VAV3: variants seen among roughly 807,000 people sequenced by gnomAD.
The protein encoded by VAV3 is vav guanine nucleotide exchange factor 3.
Under a neutral mutation model 131.2 loss-of-function variants are expected in VAV3, and 94 were observed. The observed-to-expected ratio is 0.72, with a 90% CI of 0.61 to 0.85. VAV3 has a LOEUF of 0.85. Among genes scored for constraint, VAV3 ranks in the 40% least tolerant of loss-of-function variants. The pLI is 0.00. For missense variants in VAV3, 939 were observed against 1,002.7 expected (o/e 0.94, Z 0.86); for synonymous variants, 349 against 342.0 (o/e 1.02, Z -0.22).
chr1:107,744,754 G>A (rs533680751), intron 15 of VAV3, among the ~76,000 whole-genome samples: 5 of 152,158 alleles, frequency 3.3e-5, no homozygotes, highest in African/African-American at 9.6e-5. Flanking sequence ...TTCACAGTGA[G>A]AAAACAAAAA....
rs150611337 is a variant in VAV3 at position 107,762,252 on chromosome 1, C to T, written c.922-1373G>A. Among the ~76,000 whole-genome samples, 336 of 152,142 alleles carry T rather than the reference C, an allele frequency of 2.2e-3. 5 individuals are homozygous for T. The East Asian group carries it at 0.033, about 15-fold the overall frequency. On this transcript the variant is annotated intron_variant, in intron 9 of 26. Coordinates refer to ENST00000370056, the MANE Select transcript of VAV3 (RefSeq NM_006113.5). Reference sequence around the variant, plus strand: ...AGACGGAGTTGTGCTTAAGAAAATACACTGTTGCTCACAAGTTTGTTTCTT... The same window carrying T: ...AGACGGAGTTGTGCTTAAGAAAATATACTGTTGCTCACAAGTTTGTTTCTT...
intron 9 of VAV3, among the ~76,000 whole-genome samples, chr1:107,763,770 C>T (rs1038054522): frequency 6.6e-5 from 10 of 152,092 alleles, no homozygotes; most frequent in Non-Finnish European, 1.2e-4. Context: ...ACTGTCTAAG[C>T]AATAGTTTCC....
At chr1:107,648,802 T>C (rs1402434038) in intron 19 of VAV3, among the ~76,000 whole-genome samples, 1 of 152,046 alleles carries the variant, frequency 6.6e-6, no homozygotes, top group African/African-American at 2.4e-5. Flanking sequence ...CTTCCCTACT[T>C]CAGGTTGGTC....
chr1:107,804,887 T>C (rs922420923), intron 2 of VAV3, among the ~76,000 whole-genome samples: 6 of 152,114 alleles, frequency 3.9e-5, no homozygotes, highest in Admixed American at 1.3e-4. Flanking sequence ...CTGGCAAAGA[T>C]TATCTCTCTT....
At chr1:107,777,583 A>G (rs1305407679) in intron 3 of VAV3, 2 of 420,714 alleles carry the variant, frequency 4.8e-6, no homozygotes, top group Non-Finnish European at 8.6e-6. Flanking sequence ...TAACGTGCTT[A>G]TCTGATCTCC....
At chr1:107,617,845 T>C (rs139861998) in intron 20 of VAV3, among the ~76,000 whole-genome samples, 110 of 152,322 alleles carry the variant, frequency 7.2e-4, no homozygotes, top group African/African-American at 2.3e-3. Flanking sequence ...TTTCAGGTCA[T>C]GATCATAAAA....
chr1:107,662,773 A>C lies in VAV3; in HGVS notation c.1778-20018T>G, dbSNP rs141228011. Among the ~76,000 whole-genome samples the C allele has an allele frequency of 1.9e-3, 292 of 152,334 alleles. 1 individual carries two copies. Among genetic ancestry groups the C allele is most frequent in the Non-Finnish European group, 2.7e-3 (181 of 68,012 alleles). ...GTGGGCCTAATGGGTAGAAAAAGAC[A>C]TATTAGTCATATGAATAAGGGGCAA... On this transcript the variant is annotated intron_variant, in intron 19 of 26. Coordinates refer to ENST00000370056, the MANE Select transcript of VAV3 (RefSeq NM_006113.5).
At chr1:107,675,334 T>C (rs190231614) in intron 19 of VAV3, among the ~76,000 whole-genome samples, 20 of 152,276 alleles carry the variant, frequency 1.3e-4, no homozygotes, top group Non-Finnish European at 2.6e-4. Context: ...ATAATAATAC[T>C]AGGAGATGGC....
intron 2 of VAV3, among the ~76,000 whole-genome samples, chr1:107,786,811 T>C (rs1208594670): frequency 6.6e-6 from 1 of 152,196 alleles, no homozygotes; most frequent in Non-Finnish European, 1.5e-5. Flanking sequence ...TTCATAGCAA[T>C]TTCCAGACAA....
At position 107,603,128 on chromosome 1, in the gene VAV3, G is replaced by C. The variant is rs1017345987; in HGVS notation, c.2051C>G (p.Thr684Ser). 1.2e-6 allele frequency: 2 copies of C among 1,613,186 alleles called. No homozygotes were observed. Among genetic ancestry groups the C allele is most frequent in the African/African-American group, 2.7e-5 (2 of 74,832 alleles). ...AGAMERLQAE[T>S]ELINRVNSTY... ...ACTATTTACCCTATTAATAAGTTCG[G>C]TCTCTGCTTGCAATCTTTCCATTGC... Residue 684 changes from threonine to serine, a missense_variant, in exon 23 of 27, where the codon ACC becomes AGC. Transcript: ENST00000370056.
intron 15 of VAV3, among the ~76,000 whole-genome samples, chr1:107,718,446 G>A (rs376067332): frequency 1.9e-4 from 29 of 151,440 alleles, no homozygotes; most frequent in Admixed American, 8.5e-4. Context: ...ATGAGTGAAC[G>A]CCCATTCACA....
chr1:107,807,659 C>T (rs1301339518), intron 2 of VAV3, among the ~76,000 whole-genome samples: 2 of 152,250 alleles, frequency 1.3e-5, no homozygotes, highest in Admixed American at 1.3e-4. Context: ...TTCATACACA[C>T]TCCTACCTCC....
intron 24 of VAV3, among the ~76,000 whole-genome samples, chr1:107,599,171 C>CTT (rs1463861407): frequency 6.6e-6 from 1 of 152,144 alleles, no homozygotes; most frequent in South Asian, 2.1e-4. Context: ...GCAAAACACT[C>CTT]TTTATCACTT....
chr1:107,845,186 C>A (rs1194658418), intron 2 of VAV3, among the ~76,000 whole-genome samples: 2 of 152,088 alleles, frequency 1.3e-5, no homozygotes, highest in East Asian at 3.9e-4. Context: ...AGACCTCCAG[C>A]CAGACCTGCA....
At chr1:107,778,691 A>G (rs4914960) in intron 3 of VAV3, among the ~76,000 whole-genome samples, 115,355 of 152,050 alleles carry the variant, frequency 0.76, 44,041 homozygotes, top group Non-Finnish European at 0.81. Context: ...TGTGATGGCC[A>G]GAGACAGAAA....
chr1:107,696,476 C>T (rs1659754925), intron 17 of VAV3, among the ~76,000 whole-genome samples: 1 of 152,192 alleles, frequency 6.6e-6, no homozygotes, highest in Non-Finnish European at 1.5e-5. Flanking sequence ...TTCACGCCAA[C>T]TATGCAATGT....
intron 19 of VAV3, chr1:107,668,745 A>C (rs1206600519): frequency 1.0e-6 from 1 of 984,182 alleles, no homozygotes; most frequent in African/African-American, 1.7e-5. Context: ...TTTACCATTA[A>C]ATGAATGTAG....
At chr1:107,822,160 G>A (rs1470507303) in intron 2 of VAV3, among the ~76,000 whole-genome samples, 1 of 152,080 alleles carries the variant, frequency 6.6e-6, no homozygotes, top group Non-Finnish European at 1.5e-5. Flanking sequence ...ACTCCTGGTG[G>A]GTGAGAGTTC....
chr1:107,834,782 G>T (rs776656124), intron 2 of VAV3, among the ~76,000 whole-genome samples: 1 of 152,084 alleles, frequency 6.6e-6, no homozygotes, highest in Non-Finnish European at 1.5e-5. Flanking sequence ...TGGGAACTCT[G>T]CATGGGGTTG....
Sources: gnomAD v4.1 joint callset for allele counts (sites outside exome capture counted in the v4.1 genomes callset) on GRCh38, gnomAD v4.1.1 for gene constraint, MANE v1.5 for transcripts, NCBI Gene and HGNC (gene_info 2026-07-23, HGNC 2026-07-21) for gene names.